The following VPS13B variants were observed in gnomAD, a reference collection of about 807,000 sequenced individuals.
VPS13B encodes intermembrane lipid transfer protein VPS13B.
A neutral mutation model predicts 426.4 loss-of-function variants in VPS13B; 285 were observed. The ratio of observed to expected loss-of-function variants is 0.67; its 90% CI spans 0.61 to 0.74. The LOEUF (loss-of-function observed/expected upper bound fraction) is 0.74, where lower values mean the gene tolerates loss of function less well. Ranked by LOEUF, VPS13B falls within the 30% of genes least tolerant of loss-of-function variation. VPS13B has a pLI of 0.00. For missense variants in VPS13B, 4,537 were observed against 4,782.6 expected, an observed-to-expected ratio of 0.95 and a Z score of 1.51; for synonymous variants, 1,676 against 1,676.4, an observed-to-expected ratio of 1.00 and a Z score of 0.01.
chr8:99,808,415 C>G (rs1301656196), intron 43 of VPS13B, among the ~76,000 whole-genome samples: 1 of 149,708 alleles, frequency 6.7e-6, no homozygotes, highest in Non-Finnish European at 1.5e-5. Flanking sequence ...ACTCGGGAGG[C>G]TGAGGCAAGA....
At chr8:99,349,151 G>C (rs1811716728) in intron 19 of VPS13B, among the ~76,000 whole-genome samples, 1 of 149,922 alleles carries the variant, frequency 6.7e-6, no homozygotes, top group Admixed American at 6.6e-5. Context: ...GGCTAAAACG[G>C]TGAAACCCCG....
rs551389118 is a variant in VPS13B, at chr8:99,255,239, CT to C, written c.2516-18951del. 6.3e-3 allele frequency among the ~76,000 whole-genome samples: 952 copies of C among 151,916 alleles called. 6 individuals are homozygous for C. The highest frequency in any genetic ancestry group is 0.021 in the African/African-American group (890 of 41,450). ...TTTATGTCGTTGTCCATTTTCTTCTCTTTTTTTTCCCTACAAATTCCTATTT... is the reference window on the plus strand; with the variant it reads ...TTTATGTCGTTGTCCATTTTCTTCTCTTTTTTTCCCTACAAATTCCTATTT... On this transcript the variant is annotated intron_variant, in intron 17 of 61. Transcript: ENST00000357162.
At chr8:99,438,647 A>T (rs924292770) in intron 22 of VPS13B, among the ~76,000 whole-genome samples, 48 of 152,286 alleles carry the variant, frequency 3.2e-4, no homozygotes, top group African/African-American at 1.1e-3. Context: ...AACCAACTGT[A>T]GGCTTTTAAT....
chr8:99,153,039 G>A (rs1180335757), intron 14 of VPS13B, among the ~76,000 whole-genome samples: 4 of 152,242 alleles, frequency 2.6e-5, no homozygotes, highest in Admixed American at 2.6e-4. Flanking sequence ...GCATGCTGGT[G>A]TGTGCCTGTA....
At chr8:99,177,496 A>AT (rs1056650415) in intron 16 of VPS13B, among the ~76,000 whole-genome samples, 3 of 152,156 alleles carry the variant, frequency 2.0e-5, no homozygotes, top group African/African-American at 7.2e-5. Context: ...TTTATATTAG[A>AT]TTTTTTCCCT....
intron 33 of VPS13B, among the ~76,000 whole-genome samples, chr8:99,582,890 G>A (rs1040269045): frequency 7.2e-5 from 11 of 152,088 alleles, no homozygotes; most frequent in Non-Finnish European, 1.6e-4. Flanking sequence ...CTCCTGACCT[G>A]GTGATCCGCC....
chr8:99,266,138 A>G (rs1371876498), intron 17 of VPS13B, among the ~76,000 whole-genome samples: 4 of 152,166 alleles, frequency 2.6e-5, no homozygotes, highest in African/African-American at 9.7e-5. Context: ...ACTGAACACT[A>G]GAAAGTTGAC....
At chr8:99,803,562 A>T (rs1349966493) in intron 43 of VPS13B, among the ~76,000 whole-genome samples, 1 of 152,210 alleles carries the variant, frequency 6.6e-6, no homozygotes, top group Non-Finnish European at 1.5e-5. Context: ...TATTCTATAA[A>T]TGTGAAAGGA....
At chr8:99,400,366 C>T (rs1000555610) in intron 21 of VPS13B, among the ~76,000 whole-genome samples, 1 of 152,056 alleles carries the variant, frequency 6.6e-6, no homozygotes, top group Non-Finnish European at 1.5e-5. Flanking sequence ...TTGTTAAAAG[C>T]GTTACTGAAT....
chr8:99,553,482 G>T (rs1287550975), intron 30 of VPS13B, among the ~76,000 whole-genome samples: 1 of 152,030 alleles, frequency 6.6e-6, no homozygotes, highest in Non-Finnish European at 1.5e-5. Context: ...TAAATATGCT[G>T]TTCATTCAGA....
intron 28 of VPS13B, among the ~76,000 whole-genome samples, chr8:99,509,091 T>G (rs1821648821): frequency 6.6e-6 from 1 of 152,186 alleles, no homozygotes; most frequent in Admixed American, 6.5e-5. Context: ...TAGTGGTCAG[T>G]AGTAACCCTC....
intron 4 of VPS13B, among the ~76,000 whole-genome samples, chr8:99,101,316 T>C (rs932967321): frequency 3.3e-5 from 5 of 152,052 alleles, no homozygotes; most frequent in African/African-American, 7.2e-5. Context: ...GTATTTTTAG[T>C]AGAGACAGGG....
At chr8:99,190,830 CTTCT>C (rs895690816) in intron 16 of VPS13B, among the ~76,000 whole-genome samples, 54 of 152,016 alleles carry the variant, frequency 3.6e-4, no homozygotes, top group African/African-American at 1.3e-3. Flanking sequence ...TTTCTTTCTT[CTTCT>C]TTTTTTTTTA....
chr8:99,795,279 C>T (rs1474768482), intron 43 of VPS13B, among the ~76,000 whole-genome samples: 1 of 152,122 alleles, frequency 6.6e-6, no homozygotes. Flanking sequence ...CTTTCTGCCA[C>T]CACATAGCAA....
chr8:99,668,608 A>C lies in VPS13B; in HGVS notation c.6046+7117A>C, dbSNP rs374791270. ...CTTCTGTTCACCTAATGGTACCTTA[A>C]TAGAGCAAATGGTAGGTCCCAACTT... On this transcript the variant is annotated intron_variant, in intron 35 of 61. Coordinates refer to ENST00000357162, the MANE Select transcript of VPS13B (RefSeq NM_152564.5). 4.9e-4 allele frequency among the ~76,000 whole-genome samples: 75 copies of C among 152,150 alleles called. No homozygotes were observed. The South Asian group carries it at 0.015, about 31-fold the overall frequency.
chr8:99,145,026 C>G (rs1471373222), intron 13 of VPS13B, among the ~76,000 whole-genome samples: 1 of 152,054 alleles, frequency 6.6e-6, no homozygotes, highest in African/African-American at 2.4e-5. Flanking sequence ...TTTATGTAGA[C>G]AAGTGCAAGA....
chr8:99,132,433 AGT>A (rs1223998844), intron 8 of VPS13B, among the ~76,000 whole-genome samples: 3 of 152,266 alleles, frequency 2.0e-5, no homozygotes, highest in Admixed American at 2.0e-4. Flanking sequence ...CCTCCACCTA[AGT>A]CTTGAATACC....
chr8:99,636,601 A>G (rs1829079797), intron 33 of VPS13B, among the ~76,000 whole-genome samples: 7 of 152,036 alleles, frequency 4.6e-5, no homozygotes. Flanking sequence ...GTTGGAAAGT[A>G]CAGGGATTTT....
At chr8:99,226,610 A>C (rs1563613999) in intron 17 of VPS13B, among the ~76,000 whole-genome samples, 1 of 152,196 alleles carries the variant, frequency 6.6e-6, no homozygotes. Flanking sequence ...AATTAAGGAC[A>C]CTTCTTATGA....
Sources: gnomAD v4.1 joint callset for allele counts (sites outside exome capture counted in the v4.1 genomes callset) on GRCh38, gnomAD v4.1.1 for gene constraint, MANE v1.5 for transcripts, NCBI Gene and HGNC (gene_info 2026-07-23, HGNC 2026-07-21) for gene names.